Variants in PTPRE observed in about 807,000 individuals in gnomAD.
The protein encoded by PTPRE is protein tyrosine phosphatase receptor type E.
PTPRE carries 51 observed loss-of-function variants against 102.0 expected under a neutral mutation model. That is an observed-to-expected ratio of 0.50 (90% confidence interval 0.40 to 0.63). The LOEUF is 0.63. PTPRE is among the 30% of genes least tolerant of loss of function. PTPRE has a pLI of 0.00. For missense variants in PTPRE, 752 were observed against 915.1 expected, an observed-to-expected ratio of 0.82 and a Z score of 2.30; for synonymous variants, 345 against 348.2, an observed-to-expected ratio of 0.99 and a Z score of 0.10.
intron 1 of PTPRE, among the ~76,000 whole-genome samples, chr10:127,935,702 T>G (rs761872957): frequency 3.4e-4 from 52 of 152,248 alleles, no homozygotes; most frequent in Non-Finnish European, 6.3e-4. Flanking sequence ...GGCATCAGTC[T>G]TTGAACAGTC....
chr10:128,045,593 G>C (rs925609507), intron 3 of PTPRE, among the ~76,000 whole-genome samples: 1 of 152,182 alleles, frequency 6.6e-6, no homozygotes, highest in African/African-American at 2.4e-5. Flanking sequence ...GGCCCTCCGT[G>C]GGGCTGGGCT....
At chr10:127,958,405 T>A (rs1849555219) in intron 1 of PTPRE, among the ~76,000 whole-genome samples, 2 of 152,212 alleles carry the variant, frequency 1.3e-5, no homozygotes, top group Admixed American at 1.3e-4. Flanking sequence ...TCATCATGAG[T>A]CAGTTTTGAA....
intron 19 of PTPRE, among the ~76,000 whole-genome samples, chr10:128,078,484 C>A (rs977287132): frequency 1.3e-5 from 2 of 152,234 alleles, no homozygotes; most frequent in African/African-American, 4.8e-5. Flanking sequence ...TTCTTCCAAG[C>A]AGGAGCTTGG....
At chr10:127,968,378 A>T (rs1051965686) in intron 1 of PTPRE, among the ~76,000 whole-genome samples, 1 of 152,184 alleles carries the variant, frequency 6.6e-6, no homozygotes, top group Non-Finnish European at 1.5e-5. Flanking sequence ...CCTGATGTCC[A>T]GTGAAGACAC....
intron 1 of PTPRE, among the ~76,000 whole-genome samples, chr10:127,975,121 G>T (rs1259004470): frequency 2.0e-5 from 3 of 152,174 alleles, no homozygotes; most frequent in African/African-American, 4.8e-5. Flanking sequence ...GTGGGTTTGG[G>T]TGAGACTGAG....
intron 1 of PTPRE, among the ~76,000 whole-genome samples, chr10:127,947,681 C>T (rs934362994): frequency 6.6e-5 from 10 of 152,280 alleles, no homozygotes; most frequent in African/African-American, 2.4e-4. Flanking sequence ...CATGACCACC[C>T]GAGGGACTTG....
intron 1 of PTPRE, among the ~76,000 whole-genome samples, chr10:127,924,960 C>A (rs1846897686): frequency 6.6e-6 from 1 of 152,242 alleles, no homozygotes; most frequent in Non-Finnish European, 1.5e-5. Context: ...AATGCACATT[C>A]CCAGGTACTG....
At chr10:127,932,398 G>C (rs978498776) in intron 1 of PTPRE, among the ~76,000 whole-genome samples, 2 of 152,172 alleles carry the variant, frequency 1.3e-5, no homozygotes, top group Non-Finnish European at 2.9e-5. Flanking sequence ...TTGGGGTATA[G>C]GAGCTATAAA....
intron 1 of PTPRE, among the ~76,000 whole-genome samples, chr10:127,921,609 C>T (rs1846612197): frequency 6.6e-6 from 1 of 152,148 alleles, no homozygotes; most frequent in Non-Finnish European, 1.5e-5. Context: ...GGGCACAGAG[C>T]TGGGGGCCAG....
At chr10:128,041,894 G>T (rs2135804863) in intron 3 of PTPRE, among the ~76,000 whole-genome samples, 1 of 152,146 alleles carries the variant, frequency 6.6e-6, no homozygotes, top group Non-Finnish European at 1.5e-5. Context: ...CAAATGTCCT[G>T]CAAACCCTGG....
chr10:127,968,388 C>T lies in PTPRE; in HGVS notation c.-30-13886C>T, dbSNP rs1025827020. Among the ~76,000 whole-genome samples, 6 of 152,182 alleles carry T rather than the reference C, an allele frequency of 3.9e-5. No homozygotes were observed. The South Asian group carries it at 1.2e-3, about 31-fold the overall frequency. The stretch of plus-strand genomic sequence containing the variant: ...TGAAACCTGATGTCCAGTGAAGACA[C>T]AGCAATCCAAATAGATCACTGCCTT... On this transcript the variant is annotated intron_variant, in intron 1 of 20. Transcript: ENST00000254667.
rs139773365 is a variant in PTPRE at position 127,922,849 on chromosome 10, C to T, written c.-31+15540C>T. 3.0e-3 allele frequency among the ~76,000 whole-genome samples: 450 copies of T among 152,350 alleles called. 3 individuals carry two copies. Among genetic ancestry groups the T allele is most frequent in the African/African-American group, 0.01 (421 of 41,590 alleles). On this transcript the variant is annotated intron_variant, in intron 1 of 20. Coordinates refer to ENST00000254667, the MANE Select transcript of PTPRE (RefSeq NM_006504.6). Reference sequence around the variant, plus strand: ...CCTCCCTGCTCCCATCTTCCCTCCCCCTCTGCCCTCTCTGGCTTTTCCCAT... The same window carrying T: ...CCTCCCTGCTCCCATCTTCCCTCCCTCTCTGCCCTCTCTGGCTTTTCCCAT...
intron 12 of PTPRE, 96 bp from the exon 13 acceptor site, chr10:128,069,596 C>T (rs923259643): frequency 6.6e-7 from 1 of 1,522,804 alleles, no homozygotes; most frequent in Admixed American, 2.2e-5. Flanking sequence ...CAAAAAGTTG[C>T]ATCCAGTGAC....
chr10:128,070,398 T>C lies in PTPRE; in HGVS notation c.1241T>C (p.Met414Thr). 2 of 1,614,124 alleles carry C rather than the reference T, an allele frequency of 1.2e-6. No individual in the cohort carries two copies. The highest frequency in any genetic ancestry group is 1.7e-6 in the Non-Finnish European group (2 of 1,180,006). ...TCCCTGGAGAAGCACCTGCAGACCA[T>C]GCACGGCACCACCACCCACTTCGAC... ...VSSLEKHLQT[M>T]HGTTTHFDKI... Residue 414 changes from methionine (M) to threonine (T), a missense_variant, in exon 14 of 21, where the codon ATG (methionine) becomes ACG (threonine). Met to Thr is a moderately conservative substitution (Grantham distance 81). Transcript: ENST00000254667. The surrounding 1 kb of genome is among the most constrained non-coding windows in gnomAD (Gnocchi z 4.8).
chr10:127,995,822 A>AGCAC (rs1554913127), intron 2 of PTPRE, among the ~76,000 whole-genome samples: 1 of 100,412 alleles, frequency 1.0e-5, no homozygotes, highest in African/African-American at 5.2e-5. Flanking sequence ...ACTCTACACG[A>AGCAC]GCACACACAC....
In PTPRE at chr10:128,028,391, C is replaced by T. The variant is rs184455194; in HGVS notation, c.-7-12484C>T. Among the ~76,000 whole-genome samples the T allele has an allele frequency of 4.8e-3, 734 of 152,276 alleles. 7 individuals carry two copies. The highest frequency in any genetic ancestry group is 0.014 in the African/African-American group (573 of 41,552). ...TGAAGGATATCATTGAGCCCGCGCC[C>T]GCCCCAGGCTGGAATTGCTGGGCCG... On this transcript the variant is annotated intron_variant, in intron 2 of 20. Transcript: ENST00000254667. The surrounding 1 kb of genome is among the most constrained non-coding windows in gnomAD (Gnocchi z 4.5).
At chr10:128,060,847 G>T in intron 7 of PTPRE, 92 bp from the exon 8 acceptor site, 1 of 1,259,274 alleles carries the variant, frequency 7.9e-7, no homozygotes. Context: ...AGCTGACACT[G>T]CAGATGAAGA....
At chr10:128,019,077 A>T (rs1845654281) in intron 2 of PTPRE, among the ~76,000 whole-genome samples, 1 of 152,150 alleles carries the variant, frequency 6.6e-6, no homozygotes, top group Non-Finnish European at 1.5e-5. Flanking sequence ...AGGGTGTATT[A>T]TTTTACCCCA....
At chr10:128,067,375 C>T (rs1322590442) in intron 11 of PTPRE, among the ~76,000 whole-genome samples, 1 of 118,646 alleles carries the variant, frequency 8.4e-6, no homozygotes, top group South Asian at 2.9e-4. Context: ...CACACATGCA[C>T]ACATTCACAC....
Sources: allele counts gnomAD v4.1 joint callset (sites outside exome capture counted in the v4.1 genomes callset), GRCh38; gene constraint gnomAD v4.1.1; non-coding constraint Gnocchi (gnomAD v3.1); transcripts MANE v1.5; gene names NCBI Gene and HGNC (gene_info 2026-07-23, HGNC 2026-07-21).